Variants in GALNTL6 observed in about 807,000 individuals in gnomAD.
The protein encoded by GALNTL6 is polypeptide N-acetylgalactosaminyltransferase like 6.
Under a neutral mutation model 73.7 loss-of-function variants are expected in GALNTL6, and 46 were observed. That is an observed-to-expected ratio of 0.62 (90% CI 0.49 to 0.80). GALNTL6 has a LOEUF of 0.80. Ranked by LOEUF, GALNTL6 falls within the 30% of genes least tolerant of loss-of-function variation. The pLI is 0.00. For synonymous variants in GALNTL6, 259 were observed against 263.7 expected (o/e 0.98, Z 0.17); for missense variants, 604 against 755.0 (o/e 0.80, Z 2.34).
chr4:171,968,635 C>T (rs1335591767), intron 2 of GALNTL6, among the ~76,000 whole-genome samples: 2 of 152,092 alleles, frequency 1.3e-5, no homozygotes, highest in African/African-American at 2.4e-5. Context: ...AGACACTATT[C>T]GACCCACCAC....
chr4:172,824,361 A>AGT (rs200060660), intron 7 of GALNTL6, among the ~76,000 whole-genome samples: 28 of 119,692 alleles, frequency 2.3e-4, no homozygotes, highest in Non-Finnish European at 2.3e-4. Context: ...TCCATGGTAT[A>AGT]GTGTGTGTGT....
In GALNTL6 at chr4:172,523,539, A is replaced by AT. The variant is rs201995433; in HGVS notation, c.553+174856dup. Among the ~76,000 whole-genome samples the AT allele has an allele frequency of 8.0e-3, 1,208 of 151,722 alleles. 10 individuals carry two copies. The highest frequency in any genetic ancestry group is 0.028 in the African/African-American group (1,145 of 41,324). On this transcript the variant is annotated intron_variant, in intron 5 of 12. Coordinates refer to ENST00000506823, the MANE Select transcript of GALNTL6 (RefSeq NM_001034845.3). ...ACCACCTCACCCAGCTGATTTTTGT[A>AT]TTTTTTGTAGAGACATGGTTTTGCC... is the stretch of plus-strand genomic sequence containing the variant.
chr4:172,089,604 G>GA (rs200301336), intron 2 of GALNTL6, among the ~76,000 whole-genome samples: 1,560 of 150,946 alleles, frequency 0.01, 12 homozygotes, highest in Non-Finnish European at 0.016. Flanking sequence ...TAATTTAAAA[G>GA]AAAAAAAAAC....
chr4:172,624,281 G>C (rs181009173), intron 5 of GALNTL6, among the ~76,000 whole-genome samples: 2 of 151,788 alleles, frequency 1.3e-5, no homozygotes, highest in Non-Finnish European at 2.9e-5. Context: ...TTGTTTGTTT[G>C]TTTGTTTTTG....
At chr4:171,872,077 A>C (rs1266287095) in intron 2 of GALNTL6, among the ~76,000 whole-genome samples, 1 of 151,630 alleles carries the variant, frequency 6.6e-6, no homozygotes, top group Non-Finnish European at 1.5e-5. Flanking sequence ...TTTTTTTTGC[A>C]ACTTTGTTAG....
intron 2 of GALNTL6, among the ~76,000 whole-genome samples, chr4:172,015,923 ATTTTTTTTTTTTTTTTTTTT>A (rs70941375): frequency 2.3e-5 from 1 of 44,052 alleles, no homozygotes; most frequent in African/African-American, 7.8e-5. Flanking sequence ...ATCTAATAGG[ATTTTTTTTTTTTTTTTTTTT>A]TTTTTTTTTT....
intron 5 of GALNTL6, among the ~76,000 whole-genome samples, chr4:172,681,746 C>A (rs1205495743): frequency 6.6e-6 from 1 of 152,064 alleles, no homozygotes; most frequent in East Asian, 1.9e-4. Context: ...AGGACAAGAA[C>A]CTGAAGGTAA....
At chr4:172,166,216 T>C (rs1734619357) in intron 2 of GALNTL6, among the ~76,000 whole-genome samples, 1 of 152,214 alleles carries the variant, frequency 6.6e-6, no homozygotes, top group East Asian at 1.9e-4. Context: ...CCCAGCACTT[T>C]GGGAGGCTGA....
Position 172,069,605 on chromosome 4 carries a change from T to TTA in GALNTL6, c.139-160040_139-160039dup, listed in dbSNP as rs201928502. ...ATATTATATATATAACACATATATG[T>TTA]TATATATATATAACATATATATATA... On this transcript the variant is annotated intron_variant, in intron 2 of 12. Transcript: ENST00000506823. Among the ~76,000 whole-genome samples the TTA allele has an allele frequency of 1.6e-3, 21 of 13,406 alleles. 7 individuals carry two copies. In the Admixed American group the frequency reaches 0.017, roughly 11 times the overall value. The allele number at this position is 13,406 out of a possible 152,430, so 8.8% of individuals were successfully genotyped here.
chr4:172,877,589 A>G (rs1435380910), intron 7 of GALNTL6, among the ~76,000 whole-genome samples: 1 of 152,000 alleles, frequency 6.6e-6, no homozygotes, highest in Non-Finnish European at 1.5e-5. Flanking sequence ...GAATATAAAA[A>G]TTGCTATAGA....
At chr4:172,501,015 A>G (rs1157986816) in intron 5 of GALNTL6, among the ~76,000 whole-genome samples, 1 of 152,230 alleles carries the variant, frequency 6.6e-6, no homozygotes, top group African/African-American at 2.4e-5. Context: ...AAACTGTCCT[A>G]TATCTTGACT....
At chr4:172,109,428 G>A (rs2110976405) in intron 2 of GALNTL6, among the ~76,000 whole-genome samples, 1 of 152,238 alleles carries the variant, frequency 6.6e-6, no homozygotes, top group African/African-American at 2.4e-5. Flanking sequence ...ATATGATGAA[G>A]CCTTTTCAAC....
chr4:171,987,889 T>C (rs191789651), intron 2 of GALNTL6, among the ~76,000 whole-genome samples: 1,546 of 152,192 alleles, frequency 0.01, 26 homozygotes, highest in African/African-American at 0.035. Flanking sequence ...TCAGGTGTGG[T>C]ATCAGGAATA....
intron 5 of GALNTL6, among the ~76,000 whole-genome samples, chr4:172,528,147 G>A (rs1198033285): frequency 2.6e-5 from 4 of 151,182 alleles, no homozygotes; most frequent in Non-Finnish European, 4.4e-5. Context: ...TAATTTCACA[G>A]TTCAAAAAGA....
intron 5 of GALNTL6, among the ~76,000 whole-genome samples, chr4:172,624,300 C>T (rs576655566): frequency 6.6e-6 from 1 of 151,792 alleles, no homozygotes; most frequent in South Asian, 2.1e-4. Context: ...TGTTTTAAAG[C>T]TGCTTTATTT....
intron 2 of GALNTL6, among the ~76,000 whole-genome samples, chr4:172,106,769 G>A (rs1325346937): frequency 6.6e-6 from 1 of 152,070 alleles, no homozygotes; most frequent in African/African-American, 2.4e-5. Context: ...CAGACCACAG[G>A]CCAATAGTGA....
At chr4:172,598,995 A>G (rs1737958469) in intron 5 of GALNTL6, among the ~76,000 whole-genome samples, 2 of 152,170 alleles carry the variant, frequency 1.3e-5, no homozygotes, top group Non-Finnish European at 2.9e-5. Context: ...TCTTTCCTTC[A>G]TAAAGTAGGA....
intron 2 of GALNTL6, among the ~76,000 whole-genome samples, chr4:171,978,649 C>G (rs1297397938): frequency 6.6e-6 from 1 of 152,102 alleles, no homozygotes; most frequent in Non-Finnish European, 1.5e-5. Flanking sequence ...ACAATGTTTT[C>G]TAAATTATTC....
At chr4:172,961,292 G>T (rs1750039403) in intron 10 of GALNTL6, among the ~76,000 whole-genome samples, 1 of 149,594 alleles carries the variant, frequency 6.7e-6, no homozygotes, top group Non-Finnish European at 1.5e-5. Flanking sequence ...CAGAGAGAAG[G>T]GGTGGGGGGT....
Sources: gnomAD v4.1 joint callset for allele counts (sites outside exome capture counted in the v4.1 genomes callset) on GRCh38, gnomAD v4.1.1 for gene constraint, MANE v1.5 for transcripts, NCBI Gene and HGNC (gene_info 2026-07-23, HGNC 2026-07-21) for gene names.